Variants in LRRC8B observed in about 807,000 individuals in gnomAD.
The protein encoded by LRRC8B is volume-regulated anion channel subunit LRRC8B.
Under a neutral mutation model 58.8 loss-of-function variants are expected in LRRC8B, and 23 were observed. That is an observed-to-expected ratio of 0.39 (90% confidence interval 0.28 to 0.55). The LOEUF (loss-of-function observed/expected upper bound fraction) is 0.55. Ranked by LOEUF, LRRC8B falls within the 20% of genes least tolerant of loss-of-function variation. LRRC8B has a pLI of 0.62. For missense variants in LRRC8B, 694 were observed against 936.0 expected (o/e 0.74, Z 3.37); for synonymous variants, 359 against 374.1 (o/e 0.96, Z 0.47).
intron 1 of LRRC8B, among the ~76,000 whole-genome samples, chr1:89,533,943 A>T (rs1175559399): frequency 1.3e-5 from 2 of 152,220 alleles, no homozygotes; most frequent in Non-Finnish European, 2.9e-5. Context: ...TGAATAGCTA[A>T]AGTACTTTGT....
intron 1 of LRRC8B, among the ~76,000 whole-genome samples, chr1:89,543,820 C>G (rs901179202): frequency 1.3e-5 from 2 of 151,736 alleles, no homozygotes; most frequent in African/African-American, 4.8e-5. Context: ...TGGGGTCTTG[C>G]TCTGTTGCCC....
intron 3 of LRRC8B, among the ~76,000 whole-genome samples, chr1:89,571,664 C>A (rs1003581319): frequency 6.6e-6 from 1 of 152,104 alleles, no homozygotes; most frequent in African/African-American, 2.4e-5. Context: ...TTCCTCTTTT[C>A]CTATTTGGGT....
intron 3 of LRRC8B, among the ~76,000 whole-genome samples, chr1:89,569,166 CAGT>C (rs1479047367): frequency 6.6e-6 from 1 of 151,876 alleles, no homozygotes; most frequent in Non-Finnish European, 1.5e-5. Context: ...CTAGGTGAAT[CAGT>C]GGTGAAGACA....
chr1:89,562,182 C>CACACA (rs1557607163), intron 1 of LRRC8B, among the ~76,000 whole-genome samples: 1 of 150,738 alleles, frequency 6.6e-6, no homozygotes, highest in Non-Finnish European at 1.5e-5. Context: ...CACACACACA[C>CACACA]CCTCTGCATT....
chr1:89,573,325 A>G (rs886685616), intron 3 of LRRC8B, among the ~76,000 whole-genome samples: 1 of 151,706 alleles, frequency 6.6e-6, no homozygotes, highest in Admixed American at 6.6e-5. Context: ...AAAAAGAACA[A>G]CTCAGATGTC....
intron 1 of LRRC8B, among the ~76,000 whole-genome samples, chr1:89,565,872 G>C (rs1199135000): frequency 6.6e-6 from 1 of 152,152 alleles, no homozygotes; most frequent in Non-Finnish European, 1.5e-5. Flanking sequence ...TTTTTAAGTG[G>C]AGTAGTGAAG....
At chr1:89,570,406 C>G (rs1449559701) in intron 3 of LRRC8B, among the ~76,000 whole-genome samples, 1 of 152,088 alleles carries the variant, frequency 6.6e-6, no homozygotes, top group Non-Finnish European at 1.5e-5. Flanking sequence ...TTAATAGTAT[C>G]CTTTCTGGCT....
chr1:89,550,108 A>G (rs1345472448), intron 1 of LRRC8B: 1 of 152,170 alleles, frequency 6.6e-6, no homozygotes, highest in Non-Finnish European at 1.5e-5. Flanking sequence ...AAGTCCTTCT[A>G]AGGGATACCT....
Position 89,584,217 on chromosome 1 carries a change from C to T in LRRC8B, c.1567C>T (p.Pro523Ser). The T allele has an allele frequency of 6.2e-7, 1 of 1,611,784 alleles. No individual in the cohort carries two copies. The highest frequency in any genetic ancestry group is 8.5e-7 in the Non-Finnish European group (1 of 1,179,984). ...ACTTTATCTTTCGGGCTGTGTTCTC[C>T]CTGAACAGTTGAGTACTATGCAGTT... ...KELYLSGCVL[P>S]EQLSTMQLEG... Residue 523 changes from proline (P) to serine (S), a missense_variant, in exon 5 of 6, where the codon CCT becomes TCT. Coordinates refer to ENST00000330947, the MANE Select transcript of LRRC8B (RefSeq NM_001369817.2).
At chr1:89,531,811 T>A (rs563564777) in intron 1 of LRRC8B, among the ~76,000 whole-genome samples, 28 of 152,252 alleles carry the variant, frequency 1.8e-4, no homozygotes, top group African/African-American at 6.5e-4. Flanking sequence ...GGGTGCAATA[T>A]TTTGGTTTCC....
In LRRC8B at chr1:89,584,306, C is replaced by G; in HGVS notation, c.1656C>G (p.Ile552Met). The G allele has an allele frequency of 6.2e-7, 1 of 1,614,124 alleles. No homozygotes were observed. ...ACTTGAAGAGCAGCCTCTCCCGGAT[C>G]CCACAAGTTGTTACAGACCTCCTGC... ...TLYLKSSLSR[I>M]PQVVTDLLPS... The change falls in exon 5 of 6, where the codon ATC becomes ATG. Residue 552 changes from isoleucine (I) to methionine (M), a missense_variant. Physicochemically the swap from Ile to Met is conservative, Grantham distance 10. Around this residue, in one of 5 missense-constraint regions of LRRC8B, gnomAD observed 162 missense variants for 198.5 expected, o/e 0.82. Transcript: ENST00000330947.
chr1:89,583,618 T>C lies in LRRC8B; in HGVS notation c.968T>C (p.Val323Ala), dbSNP rs1477059447. 1.2e-6 allele frequency: 2 copies of C among 1,612,490 alleles called. No individual in the cohort carries two copies. The highest frequency in any genetic ancestry group is 3.3e-4 in the Middle Eastern group (2 of 6,062). ...KVLASFYVIL[V>A]ILYGLTSSYS... is the part of the protein sequence containing the mutation. The stretch of plus-strand genomic sequence containing the variant: ...CTGGCTTCATTTTATGTCATTTTGG[T>C]TATACTTTATGGTCTGACCTCTTCC... Residue 323 changes from valine (V) to alanine (A), a missense_variant, in exon 5 of 6, where the codon GTT (valine) becomes GCT (alanine). Coordinates refer to ENST00000330947, the MANE Select transcript of LRRC8B (RefSeq NM_001369817.2). The surrounding 1 kb of genome is among the most constrained non-coding windows in gnomAD (Gnocchi z 5.2).
intron 1 of LRRC8B, among the ~76,000 whole-genome samples, chr1:89,532,710 T>C (rs1392179653): frequency 6.6e-6 from 1 of 152,172 alleles, no homozygotes; most frequent in Non-Finnish European, 1.5e-5. Context: ...AATTACCCAG[T>C]CTTGAGTATG....
intron 1 of LRRC8B, among the ~76,000 whole-genome samples, chr1:89,557,096 G>C (rs1207728718): frequency 6.6e-6 from 1 of 152,176 alleles, no homozygotes; most frequent in African/African-American, 2.4e-5. Flanking sequence ...ATTATTGCAA[G>C]GCAGATTTGG....
rs557670619 is a variant in LRRC8B, at chr1:89,571,654, T to A, written c.-125+3161T>A. ...ACATCACAAACAGGGATACTTTGATTTCCTCTTTTCCTATTTGGGTGCACT... is the reference window on the plus strand; with the variant it reads ...ACATCACAAACAGGGATACTTTGATATCCTCTTTTCCTATTTGGGTGCACT... On this transcript the variant is annotated intron_variant, in intron 3 of 5. Transcript: ENST00000330947. Among the ~76,000 whole-genome samples the A allele has an allele frequency of 5.3e-5, 8 of 152,308 alleles. No homozygotes were observed. In the East Asian group the frequency reaches 1.5e-3, roughly 29 times the overall value.
intron 1 of LRRC8B, chr1:89,527,112 T>TG (rs778611708): frequency 3.3e-5 from 5 of 152,250 alleles, no homozygotes; most frequent in Non-Finnish European, 5.9e-5. Flanking sequence ...TTTCTGAAGT[T>TG]TAAGGGGAAA....
At chr1:89,565,831 A>G (rs1461399027) in intron 1 of LRRC8B, among the ~76,000 whole-genome samples, 1 of 152,178 alleles carries the variant, frequency 6.6e-6, no homozygotes, top group Non-Finnish European at 1.5e-5. Flanking sequence ...GCCACTTCAC[A>G]CTGGTATTCA....
At chr1:89,527,780 A>G (rs149178116) in intron 1 of LRRC8B, among the ~76,000 whole-genome samples, 2 of 152,248 alleles carry the variant, frequency 1.3e-5, no homozygotes, top group African/African-American at 4.8e-5. Flanking sequence ...CTTAAGTAAA[A>G]TTAGGCCTAG....
At position 89,583,037 on chromosome 1, in the gene LRRC8B, G is replaced by T. The variant is rs780412603; in HGVS notation, c.387G>T (p.Thr129=). The T allele has an allele frequency of 3.7e-6, 6 of 1,614,126 alleles. No individual in the cohort carries two copies. In the South Asian group the frequency reaches 5.5e-5, roughly 15 times the overall value. Residue 129 remains threonine, a synonymous_variant, in exon 5 of 6, where the codon ACG becomes ACT. Coordinates refer to ENST00000330947, the MANE Select transcript of LRRC8B (RefSeq NM_001369817.2). This position sits in a 1 kb window ranked among gnomAD's most constrained non-coding sequence, Gnocchi z 5.2. The stretch of plus-strand genomic sequence containing the variant: ...TCCCCTATCTGGTGCTCTTGCACAC[G>T]CTCATCTTTGCAGCCTGCAGCAACT... ...KFFPYLVLLH[T]LIFAACSNFW...
Sources: gnomAD v4.1 joint callset for allele counts (sites outside exome capture counted in the v4.1 genomes callset) on GRCh38, gnomAD v4.1.1 for gene constraint, gnomAD v4.1.1 regional missense constraint, Gnocchi (gnomAD v3.1) non-coding constraint, MANE v1.5 for transcripts, NCBI Gene and HGNC (gene_info 2026-07-23, HGNC 2026-07-21) for gene names.